Variants in CSMD3 observed in about 807,000 individuals in gnomAD.
CSMD3 encodes the protein CUB and Sushi multiple domains 3.
A neutral mutation model predicts 435.2 loss-of-function variants in CSMD3; 177 were observed. That is an observed-to-expected ratio of 0.41 (90% CI 0.36 to 0.46). The LOEUF is 0.46. CSMD3 is among the 20% of genes least tolerant of loss of function. CSMD3 has a pLI of 0.34. For missense variants in CSMD3, 4,265 were observed against 4,504.6 expected (o/e 0.95, Z 1.52); for synonymous variants, 1,656 against 1,520.5 (o/e 1.09, Z -2.07).
At chr8:112,503,198 C>T (rs144888010) in intron 30 of CSMD3, among the ~76,000 whole-genome samples, 2,647 of 152,190 alleles carry the variant, frequency 0.017, 78 homozygotes, top group African/African-American at 0.06. Context: ...CCTCCTGCCT[C>T]AGCTTCTTGA....
chr8:113,079,263 A>T (rs1331320792), intron 5 of CSMD3, among the ~76,000 whole-genome samples: 1 of 152,164 alleles, frequency 6.6e-6, no homozygotes, highest in Non-Finnish European at 1.5e-5. Context: ...AAAAATGTAG[A>T]TGGAAAATAC....
At chr8:112,439,550 A>G (rs899842294) in intron 32 of CSMD3, among the ~76,000 whole-genome samples, 4 of 152,174 alleles carry the variant, frequency 2.6e-5, no homozygotes, top group African/African-American at 9.7e-5. Flanking sequence ...CAAAAATACA[A>G]TTAATTTTGT....
At chr8:113,099,296 A>G (rs1479702781) in intron 4 of CSMD3, among the ~76,000 whole-genome samples, 4 of 152,096 alleles carry the variant, frequency 2.6e-5, no homozygotes, top group Non-Finnish European at 4.4e-5. Context: ...AGTTAAACAA[A>G]GGAAACATGT....
intron 38 of CSMD3, among the ~76,000 whole-genome samples, chr8:112,361,564 T>C (rs1264409544): frequency 8.1e-6 from 1 of 122,752 alleles, no homozygotes; most frequent in East Asian, 2.4e-4. Context: ...TGTATATATA[T>C]ACACATACAT....
chr8:112,786,291 A>G (rs978536467), intron 13 of CSMD3, among the ~76,000 whole-genome samples: 9 of 152,078 alleles, frequency 5.9e-5, no homozygotes, highest in African/African-American at 2.2e-4. Flanking sequence ...AAAATGAATT[A>G]AAGGCTTAAA....
At chr8:112,633,496 T>C (rs1236195021) in intron 22 of CSMD3, among the ~76,000 whole-genome samples, 1 of 152,050 alleles carries the variant, frequency 6.6e-6, no homozygotes, top group Non-Finnish European at 1.5e-5. Flanking sequence ...TTGGGAGTCT[T>C]TGGAATGAGA....
chr8:112,815,087 G>C (rs2079335874), intron 12 of CSMD3, among the ~76,000 whole-genome samples: 2 of 151,008 alleles, frequency 1.3e-5, no homozygotes, highest in Admixed American at 1.3e-4. Flanking sequence ...GATTAGAAAA[G>C]TTAAGTTAAA....
chr8:112,764,307 A>G (rs2132162723), intron 13 of CSMD3, among the ~76,000 whole-genome samples: 1 of 151,644 alleles, frequency 6.6e-6, no homozygotes, highest in Middle Eastern at 3.4e-3. Context: ...TCTTATTAAA[A>G]TCAACATATG....
intron 24 of CSMD3, among the ~76,000 whole-genome samples, chr8:112,572,615 C>T (rs1281947097): frequency 1.3e-5 from 2 of 152,032 alleles, no homozygotes; most frequent in Admixed American, 1.3e-4. Context: ...TAAATTTTGT[C>T]AAGCATTCTA....
chr8:112,405,951 A>G (rs1015509703), intron 35 of CSMD3, among the ~76,000 whole-genome samples: 3 of 152,144 alleles, frequency 2.0e-5, no homozygotes, highest in Non-Finnish European at 4.4e-5. Flanking sequence ...AGTGTATAAG[A>G]TCTGCCATTT....
chr8:112,950,242 A>G (rs897127031), intron 8 of CSMD3, among the ~76,000 whole-genome samples: 5 of 151,940 alleles, frequency 3.3e-5, no homozygotes, highest in Non-Finnish European at 5.9e-5. Flanking sequence ...GTTATCAAAG[A>G]ACTGAACATT....
Position 112,234,478 on chromosome 8 carries a change from C to A in CSMD3, c.10628-1G>T. 6.5e-7 allele frequency: 1 copy of A among 1,544,346 alleles called. No individual in the cohort carries two copies. Among genetic ancestry groups the A allele is most frequent in the Non-Finnish European group, 9.0e-7 (1 of 1,116,882 alleles). On this transcript the variant is annotated splice_acceptor_variant, in intron 67 of 70. Coordinates refer to ENST00000297405, the MANE Select transcript of CSMD3 (RefSeq NM_198123.2). LOFTEE classifies it high-confidence loss of function. The stretch of plus-strand genomic sequence containing the variant: ...CGAGCTTCCTGGCTTTTATATACCC[C>A]TGTAAAATGCAAGGACATTTTAGTC...
At chr8:112,349,421 A>T (rs62514418) in intron 40 of CSMD3, among the ~76,000 whole-genome samples, 65,174 of 151,862 alleles carry the variant, frequency 0.43, 14,629 homozygotes, top group Middle Eastern at 0.54. Context: ...ACAGTATATA[A>T]TGGATGCCTA....
At chr8:113,042,621 ATG>A (rs1248664465) in intron 5 of CSMD3, among the ~76,000 whole-genome samples, 2 of 152,084 alleles carry the variant, frequency 1.3e-5, no homozygotes, top group Non-Finnish European at 2.9e-5. Context: ...CCCTAGATTT[ATG>A]TGTCTTTTCC....
At chr8:112,658,653 T>C (rs181288505) in intron 17 of CSMD3, among the ~76,000 whole-genome samples, 10 of 152,178 alleles carry the variant, frequency 6.6e-5, no homozygotes, top group Admixed American at 3.3e-4. Context: ...TAAATGATCA[T>C]ATACTTAGAA....
intron 67 of CSMD3, among the ~76,000 whole-genome samples, chr8:112,236,233 T>A (rs1192942659): frequency 1.3e-5 from 2 of 151,912 alleles, no homozygotes; most frequent in African/African-American, 4.8e-5. Context: ...AATATTTATA[T>A]GGGTTATATC....
At position 112,685,574 on chromosome 8, in the gene CSMD3, A is replaced by C. The variant is rs2075992517; in HGVS notation, c.2314T>G (p.Phe772Val). The part of the protein sequence containing the change: ...SFNDFDLESQ[F>V]DFLAVKDGDS... ...CCATCTTTAACAGCAAGGAAATCAA[A>C]CTGGGATTCCAGGTCAAAGTCATTG... Residue 772 changes from phenylalanine (F) to valine (V), a missense_variant, in exon 15 of 71, where the codon TTT becomes GTT. Physicochemically the swap from Phe to Val is conservative, Grantham distance 50. Transcript: ENST00000297405. 2 of 1,613,880 alleles carry C rather than the reference A, an allele frequency of 1.2e-6. No homozygotes were observed. Among genetic ancestry groups the C allele is most frequent in the African/African-American group, 1.3e-5 (1 of 74,908 alleles).
chr8:112,390,904 T>G, intron 35 of CSMD3, 116 bp from the exon 36 acceptor site: 1 of 997,032 alleles, frequency 1.0e-6, no homozygotes, highest in Non-Finnish European at 1.5e-6. Flanking sequence ...CAAATCATAC[T>G]TTTTTCAAAA....
intron 1 of CSMD3, among the ~76,000 whole-genome samples, chr8:113,400,784 A>T (rs1221876209): frequency 6.6e-6 from 1 of 151,882 alleles, no homozygotes; most frequent in Non-Finnish European, 1.5e-5. Flanking sequence ...CCCAGGAATT[A>T]CAGGCTCAAA....
Sources: allele counts gnomAD v4.1 joint callset (sites outside exome capture counted in the v4.1 genomes callset), GRCh38; gene constraint gnomAD v4.1.1; transcripts MANE v1.5; gene names NCBI Gene and HGNC (gene_info 2026-07-23, HGNC 2026-07-21).